TNFRSF19: variants seen among roughly 807,000 people sequenced by gnomAD.
TNFRSF19 encodes the protein TNF receptor superfamily member 19.
In TNFRSF19, 27 loss-of-function variants were observed where a neutral mutation model predicts 46.4. The ratio of observed to expected loss-of-function variants is 0.58; its 90% CI spans 0.43 to 0.80. TNFRSF19 has a LOEUF of 0.80. Ranked by LOEUF, TNFRSF19 falls within the 30% of genes least tolerant of loss-of-function variation. TNFRSF19 has a pLI of 0.00. For missense variants in TNFRSF19, 511 were observed against 530.8 expected, an observed-to-expected ratio of 0.96 and a Z score of 0.37; for synonymous variants, 204 against 205.0, an observed-to-expected ratio of 1.00 and a Z score of 0.04.
chr13:23,572,344 T>C (rs1419722465), intron 1 of TNFRSF19, among the ~76,000 whole-genome samples: 1 of 152,190 alleles, frequency 6.6e-6, no homozygotes, highest in East Asian at 1.9e-4. Context: ...TTTTTTTTAA[T>C]TTGTTTGCTT....
chr13:23,589,930 G>C (rs1235808805), intron 1 of TNFRSF19, among the ~76,000 whole-genome samples: 1 of 152,108 alleles, frequency 6.6e-6, no homozygotes, highest in African/African-American at 2.4e-5. Context: ...TAAGAGTTTT[G>C]CATATAATGT....
intron 1 of TNFRSF19, among the ~76,000 whole-genome samples, chr13:23,575,722 C>A (rs1472764776): frequency 6.6e-6 from 1 of 152,182 alleles, no homozygotes; most frequent in East Asian, 1.9e-4. Flanking sequence ...TTCATATTCT[C>A]CTGTAGCTTG....
chr13:23,651,568 A>G (rs1883632567), intron 5 of TNFRSF19, among the ~76,000 whole-genome samples: 1 of 152,192 alleles, frequency 6.6e-6, no homozygotes, highest in Non-Finnish European at 1.5e-5. Context: ...TTACAACTTG[A>G]TCTTCCCTAC....
At chr13:23,612,676 A>T (rs1880985914) in intron 3 of TNFRSF19, among the ~76,000 whole-genome samples, 1 of 152,244 alleles carries the variant, frequency 6.6e-6, no homozygotes, top group Non-Finnish European at 1.5e-5. Flanking sequence ...AATAGTAAAT[A>T]CTTTAGAGAA....
At chr13:23,611,603 G>C (rs938515991) in intron 3 of TNFRSF19, among the ~76,000 whole-genome samples, 20 of 152,182 alleles carry the variant, frequency 1.3e-4, no homozygotes, top group Non-Finnish European at 2.8e-4. Context: ...GTCAAGGAGA[G>C]AGTCCTTGTC....
chr13:23,624,807 A>G (rs189483126), intron 4 of TNFRSF19, among the ~76,000 whole-genome samples: 4 of 151,462 alleles, frequency 2.6e-5, no homozygotes, highest in Non-Finnish European at 5.9e-5. Flanking sequence ...CTGGAGTGCA[A>G]TGGCGCGATC....
At chr13:23,669,696 G>A in intron 9 of TNFRSF19, 38 of 985,238 alleles carry the variant, frequency 3.9e-5, no homozygotes, top group Non-Finnish European at 4.5e-5. Flanking sequence ...GTGGAGCGAG[G>A]GTGGCACCTG....
At chr13:23,650,709 G>T (rs1430184008) in intron 5 of TNFRSF19, among the ~76,000 whole-genome samples, 1 of 152,070 alleles carries the variant, frequency 6.6e-6, no homozygotes, top group Non-Finnish European at 1.5e-5. Context: ...CTTCTTAATA[G>T]TAAATCTTAT....
chr13:23,659,958 G>A lies in TNFRSF19; in HGVS notation c.611-407G>A, dbSNP rs756335755. ...CCTTCATCCTCATCATCTTCATGTT[G>A]AGTGGGCTGAGGAGGAGGAGGAGGA... On this transcript the variant is annotated intron_variant, in intron 6 of 9. Transcript: ENST00000248484. This position sits in a 1 kb window ranked among gnomAD's most constrained non-coding sequence, Gnocchi z 4.9. Among the ~76,000 whole-genome samples, 2 of 152,160 alleles carry A rather than the reference G, an allele frequency of 1.3e-5. No individual in the cohort carries two copies. The highest frequency in any genetic ancestry group is 2.4e-5 in the African/African-American group (1 of 41,432).
chr13:23,658,334 A>G (rs1242159742), intron 5 of TNFRSF19, among the ~76,000 whole-genome samples: 1 of 152,166 alleles, frequency 6.6e-6, no homozygotes, highest in East Asian at 1.9e-4. Context: ...TCAGTGTCTC[A>G]AGGTCACACA....
At chr13:23,639,110 A>G (rs1396161765) in intron 5 of TNFRSF19, among the ~76,000 whole-genome samples, 1 of 152,210 alleles carries the variant, frequency 6.6e-6, no homozygotes, top group African/African-American at 2.4e-5. Flanking sequence ...GGAAATTTTA[A>G]GGCCAGGTGT....
intron 1 of TNFRSF19, among the ~76,000 whole-genome samples, chr13:23,589,040 G>T (rs951001761): frequency 2.0e-5 from 3 of 152,220 alleles, no homozygotes; most frequent in African/African-American, 7.2e-5. Flanking sequence ...TGTTGTCGTT[G>T]TTGTTTTTCT....
chr13:23,581,684 A>T (rs150735966), intron 1 of TNFRSF19, among the ~76,000 whole-genome samples: 2 of 152,260 alleles, frequency 1.3e-5, no homozygotes, highest in Non-Finnish European at 2.9e-5. Flanking sequence ...CATATTGGGG[A>T]CTTTTTAAAC....
intron 5 of TNFRSF19, among the ~76,000 whole-genome samples, chr13:23,627,434 TTG>T (rs148685523): frequency 8.7e-4 from 132 of 152,310 alleles, no homozygotes; most frequent in African/African-American, 3.0e-3. Flanking sequence ...TAAAAGGTAT[TTG>T]TTTCAAGTTA....
At chr13:23,638,817 C>T (rs1196960156) in intron 5 of TNFRSF19, among the ~76,000 whole-genome samples, 4 of 152,128 alleles carry the variant, frequency 2.6e-5, no homozygotes, top group South Asian at 2.1e-4. Context: ...CATCACGCTG[C>T]GGGTTCCTGT....
At chr13:23,605,696 C>T (rs1787286172) in intron 3 of TNFRSF19, among the ~76,000 whole-genome samples, 1 of 152,128 alleles carries the variant, frequency 6.6e-6, no homozygotes, top group Admixed American at 6.5e-5. Flanking sequence ...CCAAGTGAAA[C>T]AAGCCAATTG....
chr13:23,635,771 TGCA>T (rs1278760842), intron 5 of TNFRSF19, among the ~76,000 whole-genome samples: 2 of 152,238 alleles, frequency 1.3e-5, no homozygotes, highest in African/African-American at 4.8e-5. Context: ...TTGTAAGTCA[TGCA>T]GCAGTTTTCT....
At chr13:23,622,046 T>A (rs1477751697) in intron 4 of TNFRSF19, among the ~76,000 whole-genome samples, 1 of 152,146 alleles carries the variant, frequency 6.6e-6, no homozygotes, top group African/African-American at 2.4e-5. Flanking sequence ...TGCGTAGTAG[T>A]CACACGGGAG....
chr13:23,647,589 G>C (rs940303498), intron 5 of TNFRSF19, among the ~76,000 whole-genome samples: 1 of 151,918 alleles, frequency 6.6e-6, no homozygotes, highest in East Asian at 1.9e-4. Context: ...AATAGAGATG[G>C]GTTCTTGCAA....
Sources: gnomAD v4.1 joint callset for allele counts (sites outside exome capture counted in the v4.1 genomes callset) on GRCh38, gnomAD v4.1.1 for gene constraint, Gnocchi (gnomAD v3.1) non-coding constraint, MANE v1.5 for transcripts, NCBI Gene and HGNC (gene_info 2026-07-23, HGNC 2026-07-21) for gene names.